SMARCC1: variants seen among roughly 807,000 people sequenced by gnomAD.
The protein encoded by SMARCC1 is SWI/SNF complex subunit SMARCC1.
In SMARCC1, 43 loss-of-function variants were observed where a neutral mutation model predicts 147.4. That is an observed-to-expected ratio of 0.29 (90% CI 0.23 to 0.38). SMARCC1 has a LOEUF of 0.38. Among genes scored for constraint, SMARCC1 ranks in the 10% least tolerant of loss-of-function variants. SMARCC1 has a pLI of 1.00. For missense variants in SMARCC1, 1,119 were observed against 1,381.1 expected (o/e 0.81, Z 3.01); for synonymous variants, 495 against 484.4 (o/e 1.02, Z -0.29).
At position 47,772,804 on chromosome 3, in the gene SMARCC1, C is replaced by T. The variant is rs2034930676; in HGVS notation, c.315+13G>A. On this transcript the variant is annotated intron_variant, in intron 2 of 27. Coordinates refer to ENST00000254480, the MANE Select transcript of SMARCC1 (RefSeq NM_003074.4). ...CTGAGGATGCCCAAATAACAGTAAG[C>T]TGATGTACTTACAGGGAGTTTGGTG... 6.2e-7 allele frequency: 1 copy of T among 1,607,282 alleles called. No homozygotes were observed. Among genetic ancestry groups the T allele is most frequent in the Non-Finnish European group, 8.5e-7 (1 of 1,175,786 alleles).
chr3:47,716,965 G>T (rs1470790226), intron 7 of SMARCC1, among the ~76,000 whole-genome samples: 2 of 152,122 alleles, frequency 1.3e-5, no homozygotes, highest in African/African-American at 4.8e-5. Context: ...TAGGGGAGGG[G>T]AAGTTATTCA....
At chr3:47,752,412 T>G (rs577876229) in intron 2 of SMARCC1, among the ~76,000 whole-genome samples, 3 of 151,988 alleles carry the variant, frequency 2.0e-5, no homozygotes, top group African/African-American at 7.2e-5. Flanking sequence ...TCAAAATGAG[T>G]ATAGTTCTTA....
chr3:47,659,593 A>G (rs1361114871), intron 21 of SMARCC1, among the ~76,000 whole-genome samples: 2 of 152,202 alleles, frequency 1.3e-5, no homozygotes, highest in Non-Finnish European at 2.9e-5. Flanking sequence ...ATGATGTGTT[A>G]AAGTAGGTTT....
At chr3:47,616,449 G>A (rs767930427) in intron 25 of SMARCC1, among the ~76,000 whole-genome samples, 3 of 151,666 alleles carry the variant, frequency 2.0e-5, no homozygotes, top group South Asian at 2.1e-4. Context: ...TAACAAATTC[G>A]ATTTTTTTTT....
At chr3:47,648,521 G>C (rs1387482974) in intron 21 of SMARCC1, among the ~76,000 whole-genome samples, 1 of 151,946 alleles carries the variant, frequency 6.6e-6, no homozygotes, top group East Asian at 1.9e-4. Flanking sequence ...CAAGTAGCTG[G>C]GACAACAAGT....
chr3:47,765,870 T>C (rs1297765414), intron 2 of SMARCC1, among the ~76,000 whole-genome samples: 1 of 151,968 alleles, frequency 6.6e-6, no homozygotes, highest in Non-Finnish European at 1.5e-5. Flanking sequence ...GCAGCTGGGA[T>C]TACAGGCGCC....
At chr3:47,637,263 G>T (rs1449388844) in intron 22 of SMARCC1, among the ~76,000 whole-genome samples, 1 of 151,974 alleles carries the variant, frequency 6.6e-6, no homozygotes, top group African/African-American at 2.4e-5. Context: ...AATAATGCAG[G>T]AACTATAATC....
chr3:47,717,036 T>C (rs2034163674), intron 7 of SMARCC1, among the ~76,000 whole-genome samples: 1 of 152,200 alleles, frequency 6.6e-6, no homozygotes, highest in Non-Finnish European at 1.5e-5. Context: ...GATTTAGTTG[T>C]AATTAACTCG....
rs199501292 is a variant in SMARCC1, at chr3:47,635,205, C to G, written c.2631G>C (p.Ala877=). ...AGGGGCAAACCTTGGCTTTGGTAGC[C>G]GCTGAGGCAAGAGCAGCTGCTGCGG... is the stretch of plus-strand genomic sequence containing the variant. The part of the protein sequence containing the change: ...ATAAAAALAS[A]ATKAKHLAAV... The change falls in exon 24 of 28, where the codon GCG becomes GCC. Residue 877 remains alanine (A), a synonymous_variant. Transcript: ENST00000254480. 1.2e-6 allele frequency: 2 copies of G among 1,613,686 alleles called. No individual in the cohort carries two copies. Among genetic ancestry groups the G allele is most frequent in the East Asian group, 2.2e-5 (1 of 44,882 alleles).
rs1003983586 is a variant in SMARCC1, at chr3:47,588,162, A to G, written c.*47T>C. On this transcript the variant is annotated 3_prime_UTR_variant, in exon 28 of 28. Coordinates refer to ENST00000254480, the MANE Select transcript of SMARCC1 (RefSeq NM_003074.4). ...GAGGAACACAAGTCTTGTCATCCCC[A>G]CTCCAGCTCATGGTGGTGGGCGTGG... is the stretch of plus-strand genomic sequence containing the variant. 1.4e-6 allele frequency: 2 copies of G among 1,424,660 alleles called. No individual in the cohort carries two copies. The highest frequency in any genetic ancestry group is 2.9e-5 in the African/African-American group (2 of 70,122). 88.3% of individuals were successfully genotyped at this position (1,424,660 alleles called of 1,614,324 possible).
At chr3:47,761,465 G>A (rs896356070) in intron 2 of SMARCC1, among the ~76,000 whole-genome samples, 2 of 152,136 alleles carry the variant, frequency 1.3e-5, no homozygotes, top group African/African-American at 4.8e-5. Context: ...TTATATCAAA[G>A]CCAATCTCCT....
At chr3:47,633,741 CA>C (rs1162764544) in intron 24 of SMARCC1, among the ~76,000 whole-genome samples, 127 of 8,606 alleles carry the variant, frequency 0.015, 4 homozygotes, top group East Asian at 0.036. Flanking sequence ...GAGACTGTCT[CA>C]AAAAAAAAAA....
At chr3:47,645,325 T>C (rs2033105482) in intron 21 of SMARCC1, among the ~76,000 whole-genome samples, 1 of 147,164 alleles carries the variant, frequency 6.8e-6, no homozygotes, top group South Asian at 2.1e-4. Flanking sequence ...AACCCTCAAA[T>C]ATGCAACCCC....
At chr3:47,649,812 C>G (rs928727331) in intron 21 of SMARCC1, among the ~76,000 whole-genome samples, 2 of 152,132 alleles carry the variant, frequency 1.3e-5, no homozygotes, top group African/African-American at 4.8e-5. Flanking sequence ...TTGACTAGCC[C>G]TTGAATGTAC....
intron 6 of SMARCC1, among the ~76,000 whole-genome samples, chr3:47,722,485 C>T (rs756263405): frequency 3.3e-5 from 5 of 151,622 alleles, no homozygotes; most frequent in African/African-American, 4.8e-5. Flanking sequence ...TTAGTAGAGA[C>T]GGGGTTTCTC....
rs529131386 is a variant in SMARCC1, at chr3:47,771,602, C to T, written c.315+1215G>A. Among the ~76,000 whole-genome samples the T allele has an allele frequency of 1.1e-3, 170 of 151,712 alleles. 2 individuals are homozygous for T. The South Asian group carries it at 0.033, about 29-fold the overall frequency. ...TAAAAATACAAAAATTAGCCAGGTG[C>T]GGTGGGTGGTGCATGCCTGTAGTCC... On this transcript the variant is annotated intron_variant, in intron 2 of 27. Coordinates refer to ENST00000254480, the MANE Select transcript of SMARCC1 (RefSeq NM_003074.4).
Position 47,676,793 on chromosome 3 carries a change from A to G in SMARCC1, c.1572-11T>C, listed in dbSNP as rs1256875389. ...AAAAAGGCATGGACCCTAAAGAATA[A>G]AGCTCGGAAAGTTAAAATCTAAAGA... is the stretch of plus-strand genomic sequence containing the variant. On this transcript the variant is annotated splice_polypyrimidine_tract_variant and intron_variant, in intron 16 of 27. Transcript: ENST00000254480. 6.2e-7 allele frequency: 1 copy of G among 1,610,148 alleles called. No homozygotes were observed. The highest frequency in any genetic ancestry group is 2.2e-5 in the East Asian group (1 of 44,870).
intron 1 of SMARCC1, among the ~76,000 whole-genome samples, chr3:47,774,838 T>C (rs2034955859): frequency 6.6e-6 from 1 of 151,994 alleles, no homozygotes; most frequent in Non-Finnish European, 1.5e-5. Context: ...CAGTGGTTTC[T>C]TGCTGTCTCC....
intron 25 of SMARCC1, 37 bp from the exon 26 acceptor site, chr3:47,610,364 A>C (rs922034438): frequency 1.7e-5 from 27 of 1,612,562 alleles, no homozygotes; most frequent in Non-Finnish European, 2.3e-5. Flanking sequence ...ATGACACCAG[A>C]AGAGGCTTTC....
Sources: gnomAD v4.1 joint callset for allele counts (sites outside exome capture counted in the v4.1 genomes callset) on GRCh38, gnomAD v4.1.1 for gene constraint, MANE v1.5 for transcripts, NCBI Gene and HGNC (gene_info 2026-07-23, HGNC 2026-07-21) for gene names.